DNAAF1: variants seen among roughly 807,000 people sequenced by gnomAD.
DNAAF1 encodes the protein dynein assembly factor 1, axonemal.
Under a neutral mutation model 71.1 loss-of-function variants are expected in DNAAF1, and 65 were observed. That is an observed-to-expected ratio of 0.91 (90% confidence interval 0.75 to 1.12). The LOEUF (loss-of-function observed/expected upper bound fraction) is 1.12, where lower values mean the gene tolerates loss of function less well. Among genes scored for constraint, DNAAF1 ranks in the 50% most tolerant of loss-of-function variants. DNAAF1 has a pLI of 0.00. For synonymous variants in DNAAF1, 414 were observed against 354.6 expected (o/e 1.17, Z -1.88); for missense variants, 1,178 against 899.8 (o/e 1.31, Z -3.96).
chr16:84,159,955 T>G (rs10514603), intron 6 of DNAAF1, among the ~76,000 whole-genome samples, 159 bp downstream of exon 6: 1 of 149,444 alleles, frequency 6.7e-6, no homozygotes, highest in Non-Finnish European at 1.5e-5. Context: ...TAATGGGAAT[T>G]TGAGCACTTA....
At chr16:84,172,135 C>T in intron 8 of DNAAF1, 125 bp from the exon 9 acceptor site, 16 of 891,150 alleles carry the variant, frequency 1.8e-5, no homozygotes, top group Non-Finnish European at 2.9e-5. Flanking sequence ...CCTTGGCCCC[C>T]CAAAGTGTTG....
At chr16:84,152,785 C>T (rs1407383663) in intron 3 of DNAAF1, among the ~76,000 whole-genome samples, 1 of 151,880 alleles carries the variant, frequency 6.6e-6, no homozygotes, top group East Asian at 1.9e-4. Context: ...AAAACCCCAT[C>T]TCTACTAAAA....
chr16:84,162,734 G>C (rs62048442), intron 6 of DNAAF1, among the ~76,000 whole-genome samples: 15,993 of 152,016 alleles, frequency 0.11, 914 homozygotes, highest in South Asian at 0.28. Context: ...CAAGAGAATC[G>C]CTTGAACCCG....
intron 9 of DNAAF1, chr16:84,172,717 C>G: frequency 2.5e-6 from 3 of 1,180,644 alleles, no homozygotes; most frequent in Non-Finnish European, 3.2e-6. Context: ...GACTAGTTGC[C>G]TTATCCAAAT....
At chr16:84,146,543 C>A (rs894625931) in intron 1 of DNAAF1, among the ~76,000 whole-genome samples, 5 of 152,120 alleles carry the variant, frequency 3.3e-5, no homozygotes, top group African/African-American at 7.2e-5. Context: ...ATATTGAAAC[C>A]CTGTCTTTGC....
At chr16:84,153,124 A>G (rs1345984465) in intron 3 of DNAAF1, among the ~76,000 whole-genome samples, 2 of 152,188 alleles carry the variant, frequency 1.3e-5, no homozygotes, top group Non-Finnish European at 2.9e-5. Flanking sequence ...TAGACGTCAC[A>G]GTGGTGTTGT....
At position 84,170,118 on chromosome 16, in the gene DNAAF1, A is replaced by C; in HGVS notation, c.1290A>C (p.Lys430Asn). 1 of 1,583,368 alleles carries C rather than the reference A, an allele frequency of 6.3e-7. No homozygotes were observed. Among genetic ancestry groups the C allele is most frequent in the Non-Finnish European group, 8.6e-7 (1 of 1,161,212 alleles). Reference sequence around the variant, plus strand: ...TACTGTCGTCACCTGTGGAGGTTAAAGGAGAGGACGGAGATGGAGAGCCAG... The same window carrying C: ...TACTGTCGTCACCTGTGGAGGTTAACGGAGAGGACGGAGATGGAGAGCCAG... ...TLLLSSPVEV[K>N]GEDGDGEPEG... is the part of the protein sequence containing the mutation. Residue 430 changes from lysine (K) to asparagine (N), a missense_variant, in exon 8 of 12, where the codon AAA becomes AAC. Physicochemically the swap from Lys to Asn is moderately conservative, Grantham distance 94 (BLOSUM62 0). Transcript: ENST00000378553.
At chr16:84,148,600 T>C (rs201408942) in intron 1 of DNAAF1, among the ~76,000 whole-genome samples, 71 of 89,856 alleles carry the variant, frequency 7.9e-4, no homozygotes, top group African/African-American at 1.7e-3. Context: ...CTCTCTCTTT[T>C]TTTTTTTTTT....
At chr16:84,168,690 T>C (rs2088153191) in intron 7 of DNAAF1, among the ~76,000 whole-genome samples, 1 of 152,190 alleles carries the variant, frequency 6.6e-6, no homozygotes, top group African/African-American at 2.4e-5. Context: ...ACTGCATATA[T>C]TGTCTTTTCC....
intron 2 of DNAAF1, 74 bp from the exon 3 acceptor site, chr16:84,150,177 G>A: frequency 8.7e-7 from 1 of 1,155,920 alleles, no homozygotes; most frequent in Non-Finnish European, 1.3e-6. Flanking sequence ...AATGGATGTG[G>A]TAAAGAACTG....
At chr16:84,161,267 T>G (rs1466506500) in intron 6 of DNAAF1, among the ~76,000 whole-genome samples, 1 of 152,162 alleles carries the variant, frequency 6.6e-6, no homozygotes, top group Non-Finnish European at 1.5e-5. Context: ...CAGCTGCCAC[T>G]GAAGATCCTG....
chr16:84,161,104 C>A (rs2087692184), intron 6 of DNAAF1, among the ~76,000 whole-genome samples: 2 of 152,102 alleles, frequency 1.3e-5, no homozygotes, highest in South Asian at 4.1e-4. Flanking sequence ...TACGTTACAC[C>A]CTTGGGGGAG....
rs762318567 is a variant in DNAAF1 at position 84,150,311 on chromosome 16, A to G, written c.321A>G (p.Ala107=). 17 of 1,613,712 alleles carry G rather than the reference A, an allele frequency of 1.1e-5. No homozygotes were observed. Among genetic ancestry groups the G allele is most frequent in the Non-Finnish European group, 1.4e-5 (16 of 1,179,690 alleles). The change falls in exon 3 of 12, where the codon GCA becomes GCG. Residue 107 remains alanine, a synonymous_variant. Coordinates refer to ENST00000378553, the MANE Select transcript of DNAAF1 (RefSeq NM_178452.6). ...AGCACAAGCTTTATATTACCCCAGCATTGAATGATACGCTGTATTTACACT... is the reference window on the plus strand; with the variant it reads ...AGCACAAGCTTTATATTACCCCAGCGTTGAATGATACGCTGTATTTACACT... ...CKQHKLYITP[A]LNDTLYLHFK...
chr16:84,165,993 A>G, intron 7 of DNAAF1, 44 bp downstream of exon 7: 1 of 1,578,398 alleles, frequency 6.3e-7, no homozygotes, highest in Non-Finnish European at 8.6e-7. Context: ...TTCCTTTGAG[A>G]TTAGGCAAGT....
In DNAAF1 at chr16:84,176,277, C is replaced by T. The variant is rs1597498404; in HGVS notation, c.2043C>T (p.Asp681=). The T allele has an allele frequency of 1.2e-6, 2 of 1,613,544 alleles. No homozygotes were observed. Among genetic ancestry groups the T allele is most frequent in the Middle Eastern group, 1.6e-4 (1 of 6,062 alleles). Residue 681 remains aspartate, a synonymous_variant, in exon 11 of 12, where the codon GAC becomes GAT. Transcript: ENST00000378553. ...PLTSSGDRDS[D]FLAASSPVPT... The stretch of plus-strand genomic sequence containing the variant: ...CTTCCAGTGGAGACAGGGACAGCGA[C>T]TTCCTTGCAGCCTCTTCTCCGGGTA...
chr16:84,147,960 T>C (rs2086993111), intron 1 of DNAAF1, among the ~76,000 whole-genome samples: 1 of 151,816 alleles, frequency 6.6e-6, no homozygotes, highest in Admixed American at 6.6e-5. Flanking sequence ...CCTAGCTACT[T>C]GGGAGGCTGA....
intron 1 of DNAAF1, among the ~76,000 whole-genome samples, chr16:84,146,001 G>C (rs867196937): frequency 6.6e-6 from 1 of 152,168 alleles, no homozygotes; most frequent in African/African-American, 2.4e-5. Flanking sequence ...GGAGGCTGAG[G>C]CAGGAGAATC....
At position 84,163,024 on chromosome 16, in the gene DNAAF1, C is replaced by T. The variant is rs935304120; in HGVS notation, c.864-2759C>T. On this transcript the variant is annotated intron_variant, in intron 6 of 11. Transcript: ENST00000378553. ...TTGTCAAGGTTCATCTGCGATGCAG[C>T]GTGTTCCATCCAGTACTTCATTCCT... 4.6e-5 allele frequency among the ~76,000 whole-genome samples: 7 copies of T among 152,176 alleles called. No homozygotes were observed. In the East Asian group the frequency reaches 5.8e-4, roughly 13 times the overall value.
At chr16:84,163,143 G>A (rs2087794702) in intron 6 of DNAAF1, among the ~76,000 whole-genome samples, 1 of 152,148 alleles carries the variant, frequency 6.6e-6, no homozygotes, top group Non-Finnish European at 1.5e-5. Flanking sequence ...TTTGCCTGTT[G>A]TGAATAATGA....
Sources: allele counts gnomAD v4.1 joint callset (sites outside exome capture counted in the v4.1 genomes callset), GRCh38; gene constraint gnomAD v4.1.1; transcripts MANE v1.5; gene names NCBI Gene and HGNC (gene_info 2026-07-23, HGNC 2026-07-21).